SERGEF: variants seen among roughly 807,000 people sequenced by gnomAD.
SERGEF encodes the protein secretion-regulating guanine nucleotide exchange factor.
Under a neutral mutation model 50.0 loss-of-function variants are expected in SERGEF, and 51 were observed. The observed-to-expected ratio is 1.02, with a 90% confidence interval of 0.81 to 1.29. SERGEF has a LOEUF of 1.29. Among genes scored for constraint, SERGEF ranks in the 50% most tolerant of loss-of-function variants. The probability of loss-of-function intolerance (pLI) is 0.00; values close to 1 mark genes in which losing one functional copy is unlikely to be tolerated. For synonymous variants in SERGEF, 205 were observed against 212.4 expected (o/e 0.97, Z 0.30); for missense variants, 521 against 557.0 (o/e 0.94, Z 0.65).
chr11:17,959,754 C>T, intron 8 of SERGEF, 118 bp from the exon 9 acceptor site: 3 of 844,604 alleles, frequency 3.6e-6, no homozygotes, highest in Admixed American at 5.6e-5. Context: ...CAGGAGCCTT[C>T]CTATCTTCCT....
In SERGEF at chr11:17,798,293, G is replaced by A. The variant is rs1402424880; in HGVS notation, c.1049-9880C>T. Among the ~76,000 whole-genome samples, 3 of 152,176 alleles carry A rather than the reference G, an allele frequency of 2.0e-5. No individual in the cohort carries two copies. The East Asian group carries it at 5.8e-4, about 29-fold the overall frequency. ...CACAGTGGGGCAATGCCATGCAAAG[G>A]TCCCCACTGGCCTACCTCCCCGCTC... On this transcript the variant is annotated intron_variant, in intron 10 of 10. Transcript: ENST00000265965.
At chr11:17,844,923 A>C (rs1850577255) in intron 10 of SERGEF, among the ~76,000 whole-genome samples, 1 of 70,690 alleles carries the variant, frequency 1.4e-5, no homozygotes, top group Non-Finnish European at 3.4e-5. Context: ...CAAAACAAAC[A>C]AACAAAAAAA....
intron 8 of SERGEF, among the ~76,000 whole-genome samples, chr11:17,972,527 T>C (rs1288339290): frequency 6.6e-6 from 1 of 152,270 alleles, no homozygotes; most frequent in East Asian, 1.9e-4. Flanking sequence ...TTAAGATATG[T>C]ACACTGTTTT....
At chr11:17,853,261 G>A (rs1412321832) in intron 10 of SERGEF, among the ~76,000 whole-genome samples, 1 of 152,182 alleles carries the variant, frequency 6.6e-6, no homozygotes, top group East Asian at 1.9e-4. Flanking sequence ...AGTGTTAGCT[G>A]TCACTGTTTT....
At chr11:17,978,682 G>A (rs1244576153) in intron 8 of SERGEF, among the ~76,000 whole-genome samples, 1 of 152,158 alleles carries the variant, frequency 6.6e-6, no homozygotes, top group Non-Finnish European at 1.5e-5. Context: ...TAAGAGCAAG[G>A]ACTATCAGCT....
At chr11:17,789,338 A>G (rs1368747646) in intron 10 of SERGEF, among the ~76,000 whole-genome samples, 1 of 152,242 alleles carries the variant, frequency 6.6e-6, no homozygotes, top group East Asian at 1.9e-4. Flanking sequence ...TGGTGAGGGA[A>G]GAAGCGTGTA....
At chr11:17,864,884 C>G (rs141997711) in intron 10 of SERGEF, among the ~76,000 whole-genome samples, 54 of 152,124 alleles carry the variant, frequency 3.5e-4, no homozygotes, top group Admixed American at 2.0e-4. Context: ...GGACTGCTCT[C>G]GTAGCAACAG....
chr11:17,814,595 C>A (rs1590130344), intron 10 of SERGEF, among the ~76,000 whole-genome samples: 1 of 152,252 alleles, frequency 6.6e-6, no homozygotes, highest in Admixed American at 6.5e-5. Flanking sequence ...TCTAATTTAC[C>A]TAATTTCATC....
rs1347166800 is a variant in SERGEF, at chr11:18,004,538, G to A, written c.353-3C>T. 6.2e-7 allele frequency: 1 copy of A among 1,603,890 alleles called. No individual in the cohort carries two copies. The highest frequency in any genetic ancestry group is 1.7e-5 in the Admixed American group (1 of 59,566). On this transcript the variant is annotated splice_polypyrimidine_tract_variant and splice_region_variant and intron_variant, in intron 3 of 10. Coordinates refer to ENST00000265965, the MANE Select transcript of SERGEF (RefSeq NM_012139.4). ...ACATGATAGAACTTGACCATTTTCT[G>A]CAAAATACAAATACTTAAATTGCAA...
chr11:18,011,169 C>G (rs1419209938), intron 1 of SERGEF, among the ~76,000 whole-genome samples: 2 of 151,986 alleles, frequency 1.3e-5, no homozygotes, highest in African/African-American at 2.4e-5. Flanking sequence ...CACACACACC[C>G]CTAACAAGGT....
At chr11:17,957,938 G>A (rs1852910106) in intron 9 of SERGEF, among the ~76,000 whole-genome samples, 1 of 152,212 alleles carries the variant, frequency 6.6e-6, no homozygotes, top group African/African-American at 2.4e-5. Flanking sequence ...GGTACAACTT[G>A]TAGAAGTATG....
intron 10 of SERGEF, among the ~76,000 whole-genome samples, chr11:17,833,078 AG>A (rs1850339677): frequency 6.6e-6 from 1 of 152,168 alleles, no homozygotes; most frequent in South Asian, 2.1e-4. Flanking sequence ...CCCCAAGACA[AG>A]GGGGAAAAAT....
chr11:17,822,434 A>T (rs1047081263), intron 10 of SERGEF, among the ~76,000 whole-genome samples: 1 of 152,216 alleles, frequency 6.6e-6, no homozygotes, highest in Non-Finnish European at 1.5e-5. Context: ...ATCTTAGTCT[A>T]TAAGAGCAAG....
At chr11:17,954,368 G>T (rs1381461820) in intron 9 of SERGEF, among the ~76,000 whole-genome samples, 1 of 152,178 alleles carries the variant, frequency 6.6e-6, no homozygotes, top group Non-Finnish European at 1.5e-5. Context: ...GGACAAAGAC[G>T]CCCTGGAAAC....
In SERGEF at chr11:17,946,779, C is replaced by T. The variant is rs151128328; in HGVS notation, c.1011+12691G>A. ...AAAAAGATGCCTATATTTCTATGCC[C>T]CTCATGCTGAGACTACTGGAGGAGT... On this transcript the variant is annotated intron_variant, in intron 9 of 10. Coordinates refer to ENST00000265965, the MANE Select transcript of SERGEF (RefSeq NM_012139.4). Among the ~76,000 whole-genome samples, 7 of 152,272 alleles carry T rather than the reference C, an allele frequency of 4.6e-5. No homozygotes were observed. In the East Asian group the frequency reaches 1.4e-3, roughly 29 times the overall value.
intron 10 of SERGEF, among the ~76,000 whole-genome samples, chr11:17,858,981 C>T (rs975662867): frequency 6.6e-6 from 1 of 152,068 alleles, no homozygotes; most frequent in South Asian, 2.1e-4. Flanking sequence ...TGAGATCTGC[C>T]GTTCCTCTCA....
rs1851395654 is a variant in SERGEF at position 17,884,604 on chromosome 11, G to A, written c.1012-6360C>T. 6.6e-6 allele frequency among the ~76,000 whole-genome samples: 1 copy of A among 152,138 alleles called. No homozygotes were observed. Among genetic ancestry groups the A allele is most frequent in the Non-Finnish European group, 1.5e-5 (1 of 68,036 alleles). ...AAGCTCAGAAATGGTCCCAACTGGG[G>A]AAGGCCATGGCGACACCAGAGAGGC... On this transcript the variant is annotated intron_variant, in intron 9 of 10. Coordinates refer to ENST00000265965, the MANE Select transcript of SERGEF (RefSeq NM_012139.4). The surrounding 1 kb of genome is among the most constrained non-coding windows in gnomAD (Gnocchi z 4.6).
chr11:17,830,678 G>GAC (rs1208769745), intron 10 of SERGEF, among the ~76,000 whole-genome samples: 1 of 149,134 alleles, frequency 6.7e-6, no homozygotes, highest in African/African-American at 2.5e-5. Context: ...GAGAGAGAGA[G>GAC]AGAGAGAGAG....
At chr11:17,948,667 T>C (rs950938721) in intron 9 of SERGEF, among the ~76,000 whole-genome samples, 18 of 152,238 alleles carry the variant, frequency 1.2e-4, no homozygotes, top group African/African-American at 3.6e-4. Context: ...CCTAGCCAGC[T>C]GGGTCTCCTG....
Sources: allele counts gnomAD v4.1 joint callset (sites outside exome capture counted in the v4.1 genomes callset), GRCh38; gene constraint gnomAD v4.1.1; non-coding constraint Gnocchi (gnomAD v3.1); transcripts MANE v1.5; gene names NCBI Gene and HGNC (gene_info 2026-07-23, HGNC 2026-07-21).